Variants in HIRA observed in about 807,000 individuals in gnomAD.
HIRA encodes the protein protein HIRA.
HIRA carries 13 observed loss-of-function variants against 126.6 expected under a neutral mutation model. That is an observed-to-expected ratio of 0.10 (90% CI 0.07 to 0.16). The LOEUF (loss-of-function observed/expected upper bound fraction) is 0.16. Ranked by LOEUF, HIRA falls within the 10% of genes least tolerant of loss-of-function variation. The pLI is 1.00. For synonymous variants in HIRA, 511 were observed against 520.0 expected, an observed-to-expected ratio of 0.98 and a Z score of 0.24; for missense variants, 834 against 1,314.4, an observed-to-expected ratio of 0.63 and a Z score of 5.65.
chr22:19,394,603 T>C, intron 7 of HIRA, 94 bp from the exon 8 acceptor site: 1 of 1,254,124 alleles, frequency 8.0e-7, no homozygotes, highest in African/African-American at 1.5e-5. Flanking sequence ...AATTTATAAA[T>C]GTGTGATGGT....
At chr22:19,339,631 G>A (rs58856491) in intron 24 of HIRA, among the ~76,000 whole-genome samples, 1,441 of 141,240 alleles carry the variant, frequency 0.01, 22 homozygotes, top group African/African-American at 0.036. Context: ...GCGAGACTCC[G>A]TCTCAAAAAA....
At chr22:19,384,355 T>C (rs1373233078) in intron 12 of HIRA, among the ~76,000 whole-genome samples, 1 of 149,330 alleles carries the variant, frequency 6.7e-6, no homozygotes, top group African/African-American at 2.5e-5. Context: ...AGAGATATCA[T>C]GCGGTATTTG....
chr22:19,383,086 C>CA (rs1484219158), intron 13 of HIRA, among the ~76,000 whole-genome samples: 4 of 152,160 alleles, frequency 2.6e-5, no homozygotes, highest in Admixed American at 2.0e-4. Flanking sequence ...AATCAGATAG[C>CA]AAACACCTCA....
At chr22:19,418,708 C>T (rs1211801505) in intron 1 of HIRA, among the ~76,000 whole-genome samples, 1 of 152,090 alleles carries the variant, frequency 6.6e-6, no homozygotes, top group African/African-American at 2.4e-5. Flanking sequence ...CATGAACCTG[C>T]ACAGGTGACA....
At chr22:19,348,738 G>A (rs139656463) in intron 24 of HIRA, among the ~76,000 whole-genome samples, 3,055 of 151,896 alleles carry the variant, frequency 0.02, 44 homozygotes, top group Non-Finnish European at 0.032. Flanking sequence ...CTCATGATCC[G>A]ACCCCCTTGG....
At chr22:19,409,661 G>A (rs2089336359) in intron 2 of HIRA, among the ~76,000 whole-genome samples, 1 of 152,046 alleles carries the variant, frequency 6.6e-6, no homozygotes, top group Non-Finnish European at 1.5e-5. Context: ...ATTATAATAG[G>A]GCCAAATCCA....
intron 8 of HIRA, among the ~76,000 whole-genome samples, chr22:19,392,876 G>A (rs1380068415): frequency 1.3e-5 from 2 of 152,168 alleles, no homozygotes; most frequent in African/African-American, 4.8e-5. Flanking sequence ...CACTCACTGA[G>A]CTCCCAGACA....
At chr22:19,406,878 T>C (rs1221830277) in intron 4 of HIRA, among the ~76,000 whole-genome samples, 1 of 152,206 alleles carries the variant, frequency 6.6e-6, no homozygotes, top group African/African-American at 2.4e-5. Context: ...CCATTTTGTA[T>C]ATTGGGCTTC....
chr22:19,381,579 AAT>A (rs61533212), intron 13 of HIRA, among the ~76,000 whole-genome samples: 13,262 of 152,190 alleles, frequency 0.087, 1,915 homozygotes, highest in African/African-American at 0.3. Flanking sequence ...CGTAGAATTA[AAT>A]AGTTACCTAA....
At chr22:19,367,693 A>G (rs1478355843) in intron 15 of HIRA, among the ~76,000 whole-genome samples, 2 of 152,178 alleles carry the variant, frequency 1.3e-5, no homozygotes, top group African/African-American at 4.8e-5. Flanking sequence ...TACTTTAAAT[A>G]ATCTCTAGAT....
Position 19,378,004 on chromosome 22 carries a change from A to G in HIRA, c.1478T>C (p.Leu493Pro). 1 of 1,610,962 alleles carries G rather than the reference A, an allele frequency of 6.2e-7. No individual in the cohort carries two copies. Among genetic ancestry groups the G allele is most frequent in the Non-Finnish European group, 8.5e-7 (1 of 1,178,628 alleles). ...TAGCTGTGGACTGCTATGAGAAGAGAGCATGGTGCCCGCCAGGGAGCCCGA... is the reference window on the plus strand; with the variant it reads ...TAGCTGTGGACTGCTATGAGAAGAGGGCATGGTGCCCGCCAGGGAGCCCGA... ...PLSGSLAGTM[L>P]SSHSSPQLLP... The change falls in exon 14 of 25, where the codon CTC (leucine) becomes CCC (proline). Residue 493 changes from leucine (L) to proline (P), a missense_variant. By Grantham distance (98) the Leu-to-Pro change is moderately conservative (BLOSUM62 -3). Transcript: ENST00000263208.
At chr22:19,429,637 C>G (rs1451922071) in intron 1 of HIRA, among the ~76,000 whole-genome samples, 2 of 152,194 alleles carry the variant, frequency 1.3e-5, no homozygotes, top group Non-Finnish European at 2.9e-5. Context: ...GGCTGATGCA[C>G]TTGGCTGCTG....
In HIRA at chr22:19,375,744, C is replaced by T. The variant is rs1442888510; in HGVS notation, c.1662G>A (p.Thr554=). The change falls in exon 15 of 25, where the codon ACG becomes ACA. Residue 554 remains threonine, a synonymous_variant. Coordinates refer to ENST00000263208, the MANE Select transcript of HIRA (RefSeq NM_003325.4). The part of the protein sequence containing the change: ...TPAALSPSVL[T]TPSKIEPMKA... ...TCATGGGTTCGATCTTGGACGGGGTCGTTAACACAGAAGGTGACAATGCAG... is the reference window on the plus strand; with the variant it reads ...TCATGGGTTCGATCTTGGACGGGGTTGTTAACACAGAAGGTGACAATGCAG... 6.8e-6 allele frequency: 11 copies of T among 1,613,922 alleles called. No homozygotes were observed. The East Asian group carries it at 1.3e-4, about 20-fold the overall frequency.
At chr22:19,430,493 C>A (rs1488403463) in intron 1 of HIRA, among the ~76,000 whole-genome samples, 1 of 152,144 alleles carries the variant, frequency 6.6e-6, no homozygotes, top group East Asian at 1.9e-4. Flanking sequence ...ACCCTGTAGT[C>A]GCACTGCAAA....
intron 15 of HIRA, among the ~76,000 whole-genome samples, chr22:19,368,355 G>A (rs898493648): frequency 6.6e-6 from 1 of 152,152 alleles, no homozygotes; most frequent in Non-Finnish European, 1.5e-5. Context: ...CTACAACAGG[G>A]CAAAGCATCC....
rs2089423256 is a variant in HIRA, at chr22:19,419,101, C to T, written c.38-8323G>A. On this transcript the variant is annotated intron_variant, in intron 1 of 24. Transcript: ENST00000263208. ...TATGCACACTCTATAACAAGCAATC[C>T]CTCTGGAGAAACTCATCAGCCAAAC... 3.9e-5 allele frequency among the ~76,000 whole-genome samples: 6 copies of T among 152,100 alleles called. No individual in the cohort carries two copies. In the South Asian group the frequency reaches 1.2e-3, roughly 32 times the overall value.
At chr22:19,398,747 T>A (rs2089243585) in intron 5 of HIRA, among the ~76,000 whole-genome samples, 1 of 152,124 alleles carries the variant, frequency 6.6e-6, no homozygotes. Context: ...GAGGCTGAGG[T>A]GGGCAGATCG....
intron 1 of HIRA, among the ~76,000 whole-genome samples, chr22:19,415,529 C>T (rs2089388959): frequency 6.6e-6 from 1 of 152,198 alleles, no homozygotes; most frequent in African/African-American, 2.4e-5. Flanking sequence ...TGGCTCATGC[C>T]TGTAATCCCA....
intron 24 of HIRA, among the ~76,000 whole-genome samples, chr22:19,338,190 C>T (rs1290471906): frequency 2.6e-5 from 4 of 152,052 alleles, no homozygotes; most frequent in African/African-American, 9.7e-5. Context: ...AAACTAACTG[C>T]CAGCCAAGAA....
Sources: gnomAD v4.1 joint callset for allele counts (sites outside exome capture counted in the v4.1 genomes callset) on GRCh38, gnomAD v4.1.1 for gene constraint, MANE v1.5 for transcripts, NCBI Gene and HGNC (gene_info 2026-07-23, HGNC 2026-07-21) for gene names.